Variants in KIF26A observed in about 807,000 individuals in gnomAD.
KIF26A encodes the protein kinesin family member 26A, also known as kinesin-like protein KIF26A.
In KIF26A, 74 loss-of-function variants were observed where a neutral mutation model predicts 126.0. The observed-to-expected ratio is 0.59, with a 90% CI of 0.49 to 0.71. The LOEUF (loss-of-function observed/expected upper bound fraction) is 0.71. Ranked by LOEUF, KIF26A falls within the 30% of genes least tolerant of loss-of-function variation. The pLI, the probability that KIF26A is intolerant of heterozygous loss-of-function variation, is 0.00. For missense variants in KIF26A, 2,984 were observed against 2,763.3 expected, an observed-to-expected ratio of 1.08 and a Z score of -1.79; for synonymous variants, 1,445 against 1,232.7, an observed-to-expected ratio of 1.17 and a Z score of -3.61.
At chr14:104,140,053 GC>G (rs2037623208) in intron 2 of KIF26A, among the ~76,000 whole-genome samples, 1 of 152,194 alleles carries the variant, frequency 6.6e-6, no homozygotes, top group Admixed American at 6.5e-5. Context: ...GAAGCCCGCT[GC>G]CGGGCCTTCA....
chr14:104,152,107 C>G lies in KIF26A; in HGVS notation c.381C>G (p.Val127=), dbSNP rs2037734852. ...CRPEAERRCD[V]CATHLQQLTR... ...CAGAGGCCGAGCGCCGCTGTGACGT[C>G]TGCGCCACACACCTGCAGCAGCTCA... is the stretch of plus-strand genomic sequence containing the variant. The change falls in exon 3 of 15, where the codon GTC becomes GTG. Residue 127 remains valine (V), a synonymous_variant. Transcript: ENST00000423312. This position sits in a 1 kb window ranked among gnomAD's most constrained non-coding sequence, Gnocchi z 5.9. The G allele has an allele frequency of 1.2e-6, 2 of 1,612,502 alleles. No individual in the cohort carries two copies. The highest frequency in any genetic ancestry group is 1.1e-5 in the South Asian group (1 of 91,066).
At position 104,138,588 on chromosome 14, in the gene KIF26A, C is replaced by T. The variant is rs1482384756; in HGVS notation, c.-135C>T. ...CGGAGCCACCGCGCTCCTCGCGACA[C>T]TCGCAGGCTCTGCGAACTTCCGAGC... On this transcript the variant is annotated 5_prime_UTR_variant, in exon 1 of 15. Transcript: ENST00000423312. 1 of 637,374 alleles carries T rather than the reference C, an allele frequency of 1.6e-6. No individual in the cohort carries two copies. Among genetic ancestry groups the T allele is most frequent in the African/African-American group, 1.9e-5 (1 of 51,556 alleles). 39.5% of individuals were successfully genotyped at this position (637,374 alleles called of 1,614,324 possible).
chr14:104,138,783 G>C lies in KIF26A; in HGVS notation c.42+19G>C. ...GCCCGCGGTACGCGCGGCCCGGCCT[G>C]GAGAGGGAGGCGGGCGGCGGGGGCC... is the stretch of plus-strand genomic sequence containing the variant. On this transcript the variant is annotated intron_variant, in intron 1 of 14. Transcript: ENST00000423312. 7.9e-7 allele frequency: 1 copy of C among 1,261,498 alleles called. No homozygotes were observed. Among genetic ancestry groups the C allele is most frequent in the South Asian group, 3.2e-5 (1 of 31,628 alleles). 78.1% of individuals were successfully genotyped at this position (1,261,498 alleles called of 1,614,324 possible).
Position 104,177,185 on chromosome 14 carries a change from G to A in KIF26A, c.4397G>A (p.Gly1466Asp). The stretch of plus-strand genomic sequence containing the variant: ...CCTCCCCGGGCTGTACCCAAGCTGG[G>A]TGTGCCACCCTCCAGCCCCACACAC... ...GRPPRAVPKL[G>D]VPPSSPTHGP... Residue 1466 changes from glycine (G) to aspartate (D), a missense_variant, in exon 12 of 15, where the codon GGT (glycine) becomes GAT (aspartate). Transcript: ENST00000423312. The A allele has an allele frequency of 1.3e-6, 2 of 1,596,526 alleles. No homozygotes were observed. Among genetic ancestry groups the A allele is most frequent in the Non-Finnish European group, 1.7e-6 (2 of 1,177,886 alleles).
At chr14:104,172,286 GTC>G (rs964582490) in intron 6 of KIF26A, among the ~76,000 whole-genome samples, 4 of 152,234 alleles carry the variant, frequency 2.6e-5, no homozygotes, top group African/African-American at 9.6e-5. Flanking sequence ...CTGCGTGTGC[GTC>G]TCTCTGCGCG....
At chr14:104,178,806 G>C (rs1462215555) in intron 13 of KIF26A, 51 bp downstream of exon 13, 1 of 1,087,910 alleles carries the variant, frequency 9.2e-7, no homozygotes. Flanking sequence ...GGAGCCTGCC[G>C]CGGATGGCAG....
chr14:104,164,875 GTC>G (rs965617570), intron 4 of KIF26A, among the ~76,000 whole-genome samples: 5 of 149,438 alleles, frequency 3.3e-5, no homozygotes, highest in Non-Finnish European at 1.5e-5. Flanking sequence ...GTGTGCCTGT[GTC>G]TCTCTGTATA....
At position 104,178,730 on chromosome 14, in the gene KIF26A, C is replaced by A; in HGVS notation, c.5291C>A (p.Pro1764His). 6.5e-7 allele frequency: 1 copy of A among 1,548,610 alleles called. No individual in the cohort carries two copies. Among genetic ancestry groups the A allele is most frequent in the Non-Finnish European group, 8.7e-7 (1 of 1,144,372 alleles). Residue 1764 changes from proline to histidine, a missense_variant, in exon 13 of 15, where the codon CCC becomes CAC. Physicochemically the swap from Pro to His is moderately conservative, Grantham distance 77. Coordinates refer to ENST00000423312, the MANE Select transcript of KIF26A (RefSeq NM_015656.2). ...DDVERLQRPR[P>H]TPREAPTQGL... ...GTGGAGCGCCTTCAGCGGCCCCGCCCCACCCCGAGGGAGGCCCCCACCCAG... is the reference window on the plus strand; with the variant it reads ...GTGGAGCGCCTTCAGCGGCCCCGCCACACCCCGAGGGAGGCCCCCACCCAG...
At chr14:104,169,735 C>T (rs921177819) in intron 5 of KIF26A, among the ~76,000 whole-genome samples, 1 of 152,216 alleles carries the variant, frequency 6.6e-6, no homozygotes, top group Non-Finnish European at 1.5e-5. Flanking sequence ...TGCTGAGCAG[C>T]GCCCTTCCCC....
intron 4 of KIF26A, among the ~76,000 whole-genome samples, chr14:104,159,571 C>A (rs918099019): frequency 6.6e-6 from 1 of 152,204 alleles, no homozygotes; most frequent in Non-Finnish European, 1.5e-5. Context: ...GAGGCCGGTG[C>A]CGCTTGCCAG....
intron 1 of KIF26A, 67 bp downstream of exon 1, chr14:104,138,831 G>T: frequency 8.0e-7 from 1 of 1,257,776 alleles, no homozygotes; most frequent in Non-Finnish European, 1.0e-6. Context: ...GATACTCGCG[G>T]TGTGCGCTGG....
rs2275594 is a variant in KIF26A, at chr14:104,173,249, C to G, written c.1683+10C>G. 68 of 1,604,170 alleles carry G rather than the reference C, an allele frequency of 4.2e-5. No homozygotes were observed. The highest frequency in any genetic ancestry group is 5.6e-5 in the Non-Finnish European group (66 of 1,173,786). On this transcript the variant is annotated intron_variant, in intron 8 of 14. Transcript: ENST00000423312. ...CGTGTGTGGGGCGCAGGTGCGCCTG[C>G]CTACTGTCCCACCTTGGGGGAGGGG...
intron 3 of KIF26A, among the ~76,000 whole-genome samples, chr14:104,155,802 C>A (rs2037771707): frequency 6.6e-6 from 1 of 152,242 alleles, no homozygotes. Flanking sequence ...GGGGCCGGAA[C>A]CTTCTGGCCG....
chr14:104,150,560 GC>G (rs1340011998), intron 2 of KIF26A, among the ~76,000 whole-genome samples: 1 of 152,068 alleles, frequency 6.6e-6, no homozygotes, highest in Non-Finnish European at 1.5e-5. Context: ...GTGGACAAGG[GC>G]CCAGCCAGCC....
At chr14:104,161,691 TG>T (rs2037834144) in intron 4 of KIF26A, among the ~76,000 whole-genome samples, 1 of 152,198 alleles carries the variant, frequency 6.6e-6, no homozygotes, top group South Asian at 2.1e-4. Context: ...GACCCCCTGC[TG>T]GCAGGGACAT....
rs1188704406 is a variant in KIF26A, at chr14:104,176,700, A to G, written c.3912A>G (p.Pro1304=). 1.9e-6 allele frequency: 3 copies of G among 1,588,242 alleles called. No individual in the cohort carries two copies. Among genetic ancestry groups the G allele is most frequent in the African/African-American group, 1.3e-5 (1 of 74,604 alleles). Residue 1304 remains proline, a synonymous_variant, in exon 12 of 15, where the codon CCA becomes CCG. Transcript: ENST00000423312. ...ARRPEAVARI[P]PLRRGATTLG... ...GGCCAGAGGCTGTGGCTCGGATCCCACCGCTGCGGAGGGGTGCCACCACGC... is the reference window on the plus strand; with the variant it reads ...GGCCAGAGGCTGTGGCTCGGATCCCGCCGCTGCGGAGGGGTGCCACCACGC...
intron 5 of KIF26A, among the ~76,000 whole-genome samples, chr14:104,171,460 C>G (rs976786736): frequency 6.6e-6 from 1 of 152,178 alleles, no homozygotes; most frequent in African/African-American, 2.4e-5. Context: ...GCCGCCCCCT[C>G]ATTCTCTGTG....
chr14:104,165,490 T>C (rs531529374), intron 4 of KIF26A, among the ~76,000 whole-genome samples: 50 of 147,888 alleles, frequency 3.4e-4, no homozygotes, highest in East Asian at 7.7e-4. Context: ...TATGTTTCCA[T>C]GTGCATGTGT....
rs780496611 is a variant in KIF26A at position 104,174,196 on chromosome 14, C to T, written c.2079C>T (p.Gly693=). ...TGCGTGAATCCCTGGCCACCGCTGG[C>T]TGCCGCACCACCATGATCGCCCACG... The part of the protein sequence containing the change: ...MLLRESLATA[G]CRTTMIAHVS... The change falls in exon 11 of 15, where the codon GGC becomes GGT. Residue 693 remains glycine, a synonymous_variant. Transcript: ENST00000423312. The T allele has an allele frequency of 2.5e-6, 4 of 1,589,764 alleles. No individual in the cohort carries two copies. The African/African-American group carries it at 5.4e-5, about 21-fold the overall frequency.
Sources: allele counts gnomAD v4.1 joint callset (sites outside exome capture counted in the v4.1 genomes callset), GRCh38; gene constraint gnomAD v4.1.1; non-coding constraint Gnocchi (gnomAD v3.1); transcripts MANE v1.5; gene names NCBI Gene and HGNC (gene_info 2026-07-23, HGNC 2026-07-21).